Variants in PRKX observed in about 807,000 individuals in gnomAD.
The protein encoded by PRKX is cAMP-dependent protein kinase catalytic subunit PRKX.
PRKX carries 12 observed loss-of-function variants against 22.0 expected under a neutral mutation model. The observed-to-expected ratio is 0.54, with a 90% CI of 0.35 to 0.88. The LOEUF (loss-of-function observed/expected upper bound fraction) is 0.88, where lower values mean the gene tolerates loss of function less well. Among genes scored for constraint, PRKX ranks in the 40% least tolerant of loss-of-function variants. The pLI is 0.01. For synonymous variants in PRKX, 134 were observed against 137.7 expected (o/e 0.97, Z 0.19); for missense variants, 217 against 308.0 (o/e 0.70, Z 2.21).
rs763913974 is a variant in PRKX at position 3,632,060 on chromosome X, G to C, written c.720-5546C>G. Among the ~76,000 whole-genome samples the C allele has an allele frequency of 7.1e-5, 8 of 111,996 alleles. No homozygotes were observed. In the East Asian group the frequency reaches 2.2e-3, roughly 31 times the overall value. On this transcript the variant is annotated intron_variant, in intron 4 of 8. Coordinates refer to ENST00000262848, the MANE Select transcript of PRKX (RefSeq NM_005044.5). ...TACAAAAATGGAAATCAATGGGAGA[G>C]GTGACAGAGAAGTGGGGGTGGGTTA...
intron 4 of PRKX, among the ~76,000 whole-genome samples, chrX:3,637,811 G>C (rs935555419): frequency 5.7e-5 from 6 of 106,163 alleles, no homozygotes; most frequent in Non-Finnish European, 1.2e-4. Context: ...CTGTTGCCCA[G>C]GCTGGAGTGC....
At chrX:3,610,707 C>G (rs1182884763) in intron 8 of PRKX, among the ~76,000 whole-genome samples, 2 of 110,675 alleles carry the variant, frequency 1.8e-5, no homozygotes, top group Non-Finnish European at 3.8e-5. Flanking sequence ...AAAAATCCAT[C>G]AAATGGAAGC....
chrX:3,647,490 A>G (rs1177584338), intron 3 of PRKX, among the ~76,000 whole-genome samples: 1 of 105,792 alleles, frequency 9.5e-6, no homozygotes. Flanking sequence ...ATTAATATAT[A>G]CATACATTGT....
At position 3,676,655 on chromosome X, in the gene PRKX, A is replaced by G. The variant is rs1927962106; in HGVS notation, c.167-1889T>C. On this transcript the variant is annotated intron_variant, in intron 1 of 8. Coordinates refer to ENST00000262848, the MANE Select transcript of PRKX (RefSeq NM_005044.5). ...ATAGGCACAGAAAAACAAATATTAA[A>G]TATTGCATGATCTCACTTATACAAG... Among the ~76,000 whole-genome samples, 4 of 111,817 alleles carry G rather than the reference A, an allele frequency of 3.6e-5. No individual in the cohort carries two copies. The South Asian group carries it at 1.5e-3, about 42-fold the overall frequency.
intron 1 of PRKX, among the ~76,000 whole-genome samples, chrX:3,693,791 T>A (rs1347728699): frequency 2.1e-4 from 23 of 107,109 alleles, no homozygotes; most frequent in Admixed American, 8.0e-4. Flanking sequence ...CAAAAAAAAA[T>A]TAGCCGGGTG....
intron 2 of PRKX, among the ~76,000 whole-genome samples, chrX:3,663,630 T>TA (rs780899033): frequency 0.053 from 3,510 of 66,137 alleles, 298 homozygotes; most frequent in African/African-American, 0.17. Context: ...CCACATCTCT[T>TA]AAAAAAAAAA....
chrX:3,647,378 T>C (rs955970105), intron 3 of PRKX, among the ~76,000 whole-genome samples: 4 of 106,096 alleles, frequency 3.8e-5, no homozygotes, highest in Admixed American at 1.0e-4. Flanking sequence ...ACTGTATCCA[T>C]TTATTATATA....
chrX:3,686,891 C>T lies in PRKX; in HGVS notation c.167-12125G>A, dbSNP rs978325432. ...TTTAATTATGGTAAAATACGCACAA[C>T]ATAAAATTTACCATCTTAATTAACC... On this transcript the variant is annotated intron_variant, in intron 1 of 8. Coordinates refer to ENST00000262848, the MANE Select transcript of PRKX (RefSeq NM_005044.5). 5.3e-5 allele frequency among the ~76,000 whole-genome samples: 6 copies of T among 112,240 alleles called. No individual in the cohort carries two copies. In the East Asian group the frequency reaches 1.7e-3, roughly 32 times the overall value.
intron 2 of PRKX, among the ~76,000 whole-genome samples, chrX:3,659,061 T>C (rs1348822037): frequency 9.0e-6 from 1 of 110,822 alleles, no homozygotes; most frequent in East Asian, 2.8e-4. Context: ...AGGCCAGGTG[T>C]TGGAAAGCAG....
intron 1 of PRKX, among the ~76,000 whole-genome samples, chrX:3,687,140 C>T (rs1928194283): frequency 9.0e-6 from 1 of 111,487 alleles, no homozygotes; most frequent in Admixed American, 9.6e-5. Context: ...CCACCTCAGC[C>T]TCCCAAGTAG....
intron 3 of PRKX, among the ~76,000 whole-genome samples, chrX:3,652,648 T>G (rs1486349363): frequency 8.9e-6 from 1 of 112,084 alleles, no homozygotes; most frequent in East Asian, 2.8e-4. Context: ...TATGTGTGTG[T>G]ACGGAAACAT....
chrX:3,701,370 C>T (rs1215230951), intron 1 of PRKX, among the ~76,000 whole-genome samples: 1 of 112,474 alleles, frequency 8.9e-6, no homozygotes, highest in Non-Finnish European at 1.9e-5. Context: ...CCTCCCAAAG[C>T]ACTAGGATTA....
chrX:3,663,468 A>ACACACACAC (rs552837211), intron 2 of PRKX, among the ~76,000 whole-genome samples: 6 of 53,628 alleles, frequency 1.1e-4, no homozygotes, highest in Non-Finnish European at 1.3e-4. Context: ...ACACACACAC[A>ACACACACAC]AAAAAATTCA....
At chrX:3,657,275 AG>A (rs991621127) in intron 2 of PRKX, among the ~76,000 whole-genome samples, 1 of 111,207 alleles carries the variant, frequency 9.0e-6, no homozygotes, top group African/African-American at 3.3e-5. Flanking sequence ...ATTTGGAGAC[AG>A]GTCATGTAAA....
At chrX:3,682,737 C>T (rs962279162) in intron 1 of PRKX, among the ~76,000 whole-genome samples, 19 of 108,503 alleles carry the variant, frequency 1.8e-4, no homozygotes, top group African/African-American at 6.4e-4. Context: ...GGAGCTTCCC[C>T]TGGAGCCTCC....
At chrX:3,634,421 C>T (rs1275190151) in intron 4 of PRKX, among the ~76,000 whole-genome samples, 1 of 109,455 alleles carries the variant, frequency 9.1e-6, no homozygotes, top group African/African-American at 3.3e-5. Context: ...GAAAATATAG[C>T]CCCGGGCACG....
At chrX:3,670,614 C>T (rs746643285) in intron 2 of PRKX, among the ~76,000 whole-genome samples, 3 of 109,530 alleles carry the variant, frequency 2.7e-5, no homozygotes, top group South Asian at 7.9e-4. Context: ...GGCACAATCT[C>T]GGCTCACTGC....
intron 6 of PRKX, among the ~76,000 whole-genome samples, chrX:3,619,806 C>CA (rs755131289): frequency 1.7e-4 from 19 of 111,202 alleles, no homozygotes; most frequent in Non-Finnish European, 3.6e-4. Context: ...GTAAACCACA[C>CA]AGAGGGCCCC....
intron 4 of PRKX, among the ~76,000 whole-genome samples, chrX:3,631,487 C>G (rs1277674732): frequency 9.0e-6 from 1 of 110,681 alleles, no homozygotes; most frequent in African/African-American, 3.3e-5. Context: ...GTATCCTCCC[C>G]TAGAGCCTCC....
Sources: allele counts gnomAD v4.1 joint callset (sites outside exome capture counted in the v4.1 genomes callset), GRCh38; gene constraint gnomAD v4.1.1; transcripts MANE v1.5; gene names NCBI Gene and HGNC (gene_info 2026-07-23, HGNC 2026-07-21).